Variants in TMEM117 observed in about 807,000 individuals in gnomAD.
The protein encoded by TMEM117 is transmembrane protein 117.
In TMEM117, 27 loss-of-function variants were observed where a neutral mutation model predicts 52.4. The observed-to-expected ratio is 0.51, with a 90% CI of 0.38 to 0.71. The LOEUF (loss-of-function observed/expected upper bound fraction) is 0.71. Among genes scored for constraint, TMEM117 ranks in the 30% least tolerant of loss-of-function variants. The probability of loss-of-function intolerance (pLI) is 0.00; values close to 1 mark genes in which losing one functional copy is unlikely to be tolerated. For synonymous variants in TMEM117, 215 were observed against 206.3 expected, an observed-to-expected ratio of 1.04 and a Z score of -0.36; for missense variants, 556 against 630.5, an observed-to-expected ratio of 0.88 and a Z score of 1.26.
intron 5 of TMEM117, among the ~76,000 whole-genome samples, chr12:44,264,958 G>C (rs1442191326): frequency 6.6e-6 from 1 of 152,180 alleles, no homozygotes; most frequent in South Asian, 2.1e-4. Flanking sequence ...ACAGAGCTGG[G>C]ATTAGAAACC....
chr12:44,184,755 G>C (rs1459253130), intron 4 of TMEM117, among the ~76,000 whole-genome samples: 2 of 152,070 alleles, frequency 1.3e-5, no homozygotes, highest in Non-Finnish European at 2.9e-5. Context: ...GGCTTTTCTG[G>C]TTTTCTGTTC....
intron 2 of TMEM117, among the ~76,000 whole-genome samples, chr12:43,942,128 A>G (rs1294679307): frequency 2.0e-5 from 3 of 152,180 alleles, no homozygotes; most frequent in Non-Finnish European, 4.4e-5. Context: ...GGGCCCCTGA[A>G]CAAAGAGAGC....
At chr12:44,123,479 C>T (rs548581117) in intron 3 of TMEM117, among the ~76,000 whole-genome samples, 2 of 152,262 alleles carry the variant, frequency 1.3e-5, no homozygotes, top group African/African-American at 4.8e-5. Flanking sequence ...TTTGCCCATG[C>T]CTATGTCCTG....
chr12:44,253,684 C>T (rs1950221551), intron 5 of TMEM117, among the ~76,000 whole-genome samples: 2 of 152,060 alleles, frequency 1.3e-5, no homozygotes, highest in Non-Finnish European at 2.9e-5. Flanking sequence ...GTGAAGCTGA[C>T]ATTATTGTTA....
chr12:44,308,081 G>A (rs1199261983), intron 6 of TMEM117, among the ~76,000 whole-genome samples: 1 of 152,146 alleles, frequency 6.6e-6, no homozygotes, highest in African/African-American at 2.4e-5. Flanking sequence ...TAGTTTGAAG[G>A]AATTATAAGA....
chr12:44,244,022 C>T (rs1191399719), intron 5 of TMEM117, among the ~76,000 whole-genome samples: 1 of 151,942 alleles, frequency 6.6e-6, no homozygotes, highest in East Asian at 1.9e-4. Context: ...ATCCTTTCAT[C>T]CATCGATGGG....
rs146135791 is a variant in TMEM117, at chr12:44,288,827, A to G, written c.609-10753A>G. On this transcript the variant is annotated intron_variant, in intron 5 of 7. Transcript: ENST00000266534. ...CACAATCAAATTAATGAACATATTC[A>G]TCATACATAGTTAACCATTGTGTGT... Among the ~76,000 whole-genome samples the G allele has an allele frequency of 5.7e-3, 871 of 152,336 alleles. 6 individuals carry two copies. Among genetic ancestry groups the G allele is most frequent in the Middle Eastern group, 0.037 (11 of 294 alleles).
chr12:43,935,285 T>G (rs1944933550), intron 2 of TMEM117, among the ~76,000 whole-genome samples: 1 of 152,226 alleles, frequency 6.6e-6, no homozygotes, highest in Non-Finnish European at 1.5e-5. Context: ...AACTATAAAT[T>G]TACACAAGCT....
intron 5 of TMEM117, among the ~76,000 whole-genome samples, chr12:44,249,538 A>G (rs965086365): frequency 6.6e-6 from 1 of 152,138 alleles, no homozygotes; most frequent in African/African-American, 2.4e-5. Flanking sequence ...AGCCAACACA[A>G]TCCTAAGCAA....
At chr12:44,355,074 G>A (rs965889239) in intron 6 of TMEM117, among the ~76,000 whole-genome samples, 1 of 151,952 alleles carries the variant, frequency 6.6e-6, no homozygotes, top group Non-Finnish European at 1.5e-5. Flanking sequence ...ATGATATTCT[G>A]TTTTTATTAT....
chr12:44,048,339 C>G (rs1486651477), intron 3 of TMEM117, among the ~76,000 whole-genome samples: 1 of 151,922 alleles, frequency 6.6e-6, no homozygotes, highest in African/African-American at 2.4e-5. Context: ...TGTTTGTTTT[C>G]TATTTCTTTG....
chr12:44,021,871 A>G (rs1239374867), intron 3 of TMEM117, among the ~76,000 whole-genome samples: 1 of 152,154 alleles, frequency 6.6e-6, no homozygotes. Context: ...TTCCTCTCTC[A>G]TGCAACCATA....
intron 3 of TMEM117, among the ~76,000 whole-genome samples, chr12:43,957,530 T>C (rs1710327627): frequency 6.6e-6 from 1 of 152,216 alleles, no homozygotes; most frequent in South Asian, 2.1e-4. Context: ...TTAAAAATTA[T>C]TCCAAATACA....
chr12:43,956,927 G>A (rs1441032016), intron 3 of TMEM117, among the ~76,000 whole-genome samples: 1 of 152,138 alleles, frequency 6.6e-6, no homozygotes, highest in Non-Finnish European at 1.5e-5. Context: ...TGATAGAATG[G>A]ATAAAGAAAA....
chr12:44,296,323 C>CT (rs1950768451), intron 5 of TMEM117, among the ~76,000 whole-genome samples: 1 of 152,106 alleles, frequency 6.6e-6, no homozygotes, highest in African/African-American at 2.4e-5. Flanking sequence ...CTGAGAGGGG[C>CT]TAGAACTGAG....
At chr12:44,358,902 C>T (rs10506247) in intron 6 of TMEM117, among the ~76,000 whole-genome samples, 79,576 of 151,872 alleles carry the variant, frequency 0.52, 21,399 homozygotes, top group East Asian at 0.9. Context: ...TAAATTGTAG[C>T]TGTAATATCT....
At chr12:43,934,040 G>A (rs1426788677) in intron 2 of TMEM117, among the ~76,000 whole-genome samples, 2 of 152,132 alleles carry the variant, frequency 1.3e-5, no homozygotes. Context: ...ATATCAAATT[G>A]CTGATGTTTG....
In TMEM117 at chr12:43,844,855, G is replaced by A; in HGVS notation, c.204G>A (p.Lys68=). 1 of 1,614,180 alleles carries A rather than the reference G, an allele frequency of 6.2e-7. No individual in the cohort carries two copies. Among genetic ancestry groups the A allele is most frequent in the Non-Finnish European group, 8.5e-7 (1 of 1,180,028 alleles). Residue 68 remains lysine (K), a synonymous_variant, in exon 2 of 8, where the codon AAG becomes AAA. Transcript: ENST00000266534. ...YPRGVGWRIL[K]VLLWLLAILT... is the part of the protein sequence containing the mutation. ...GAGGAGTTGGCTGGAGGATTTTGAA[G>A]GTGCTTCTATGGCTACTTGCCATTC...
At chr12:44,146,360 C>A (rs1330914844) in intron 4 of TMEM117, among the ~76,000 whole-genome samples, 1 of 152,220 alleles carries the variant, frequency 6.6e-6, no homozygotes, top group African/African-American at 2.4e-5. Flanking sequence ...CATCACAGAA[C>A]TAAGACTGGA....
Sources: gnomAD v4.1 joint callset for allele counts (sites outside exome capture counted in the v4.1 genomes callset) on GRCh38, gnomAD v4.1.1 for gene constraint, MANE v1.5 for transcripts, NCBI Gene and HGNC (gene_info 2026-07-23, HGNC 2026-07-21) for gene names.